SCAPER: variants seen among roughly 807,000 people sequenced by gnomAD.
SCAPER encodes the protein S phase cyclin A-associated protein in the endoplasmic reticulum.
SCAPER carries 98 observed loss-of-function variants against 182.2 expected under a neutral mutation model. The ratio of observed to expected loss-of-function variants is 0.54; its 90% confidence interval spans 0.46 to 0.64. The LOEUF (loss-of-function observed/expected upper bound fraction) is 0.64, where lower values mean the gene tolerates loss of function less well. Among genes scored for constraint, SCAPER ranks in the 30% least tolerant of loss-of-function variants. The pLI, the probability that SCAPER is intolerant of heterozygous loss-of-function variation, is 0.00. For missense variants in SCAPER, 1,432 were observed against 1,690.0 expected (o/e 0.85, Z 2.68); for synonymous variants, 605 against 564.6 (o/e 1.07, Z -1.01).
chr15:76,726,156 A>ATATATATATATATAT (rs56986282), intron 17 of SCAPER, among the ~76,000 whole-genome samples: 3,329 of 79,366 alleles, frequency 0.042, 462 homozygotes, highest in African/African-American at 0.045. Context: ...TATATATATA[A>ATATATATATATATAT]AAAACTCTAT....
At chr15:76,584,694 C>T (rs899698834) in intron 22 of SCAPER, among the ~76,000 whole-genome samples, 10 of 152,012 alleles carry the variant, frequency 6.6e-5, no homozygotes, top group African/African-American at 2.2e-4. Context: ...GCGTTCTTAC[C>T]GTATTAGTCA....
chr15:76,856,540 T>G (rs1344694433), intron 4 of SCAPER, among the ~76,000 whole-genome samples: 4 of 151,310 alleles, frequency 2.6e-5, no homozygotes, highest in African/African-American at 9.7e-5. Flanking sequence ...TTTAACTTTT[T>G]TTACATATAT....
At chr15:76,878,166 G>A (rs546208011) in intron 2 of SCAPER, among the ~76,000 whole-genome samples, 12 of 151,930 alleles carry the variant, frequency 7.9e-5, no homozygotes, top group Non-Finnish European at 1.6e-4. Context: ...TTAGCAATTG[G>A]TAAGTCTGGC....
chr15:76,475,451 C>T (rs1038247009), intron 24 of SCAPER, among the ~76,000 whole-genome samples: 5 of 151,988 alleles, frequency 3.3e-5, no homozygotes, highest in African/African-American at 1.2e-4. Flanking sequence ...CTCAGCCTCC[C>T]GGGTAACTAG....
chr15:76,839,886 T>C (rs1256213471), intron 5 of SCAPER, among the ~76,000 whole-genome samples: 1 of 152,140 alleles, frequency 6.6e-6, no homozygotes, highest in Non-Finnish European at 1.5e-5. Flanking sequence ...ACTCAAAAAG[T>C]ATATATATTT....
intron 23 of SCAPER, among the ~76,000 whole-genome samples, chr15:76,505,481 G>A (rs999779830): frequency 6.6e-6 from 1 of 152,116 alleles, no homozygotes; most frequent in Admixed American, 6.6e-5. Context: ...ATGGCAAACA[G>A]GCATAGGAAA....
In SCAPER at chr15:76,354,211, T is replaced by G; in HGVS notation, c.3856-71A>C. On this transcript the variant is annotated intron_variant, in intron 29 of 31. Transcript: ENST00000563290. The surrounding 1 kb of genome is among the most constrained non-coding windows in gnomAD (Gnocchi z 4.4). ...CTGTCCCTCACCCACCTGCACAGTGTCGGCTAGTACCATGGAAAACATGCT... is the reference window on the plus strand; with the variant it reads ...CTGTCCCTCACCCACCTGCACAGTGGCGGCTAGTACCATGGAAAACATGCT... 18 of 1,428,424 alleles carry G rather than the reference T, an allele frequency of 1.3e-5. No individual in the cohort carries two copies. The highest frequency in any genetic ancestry group is 1.5e-5 in the Non-Finnish European group (16 of 1,057,102). 88.5% of individuals were successfully genotyped at this position (1,428,424 alleles called of 1,614,324 possible).
intron 23 of SCAPER, among the ~76,000 whole-genome samples, chr15:76,539,665 C>T (rs945787197): frequency 2.6e-5 from 4 of 151,532 alleles, no homozygotes. Flanking sequence ...CCTGCCTCAG[C>T]CTCCCGAGTA....
intron 23 of SCAPER, among the ~76,000 whole-genome samples, chr15:76,538,803 C>A (rs1008852865): frequency 3.3e-5 from 5 of 152,034 alleles, no homozygotes; most frequent in Admixed American, 2.6e-4. Context: ...TGGAACCTGG[C>A]AAATTATGAT....
intron 23 of SCAPER, among the ~76,000 whole-genome samples, chr15:76,517,330 G>A (rs2042506114): frequency 6.6e-6 from 1 of 151,074 alleles, no homozygotes; most frequent in South Asian, 2.1e-4. Context: ...TGCCTTAGTC[G>A]AGCTTTCCTT....
chr15:76,566,156 G>C (rs1044454177), intron 23 of SCAPER, among the ~76,000 whole-genome samples: 2 of 152,142 alleles, frequency 1.3e-5, no homozygotes, highest in Non-Finnish European at 2.9e-5. Context: ...GCCTAGGCAT[G>C]TGTTACATAG....
intron 27 of SCAPER, among the ~76,000 whole-genome samples, chr15:76,383,751 A>G (rs373163243): frequency 1.3e-5 from 2 of 152,232 alleles, no homozygotes; most frequent in Middle Eastern, 3.2e-3. Flanking sequence ...GTTTAGGGTC[A>G]GTGCTTTGTC....
At chr15:76,409,797 G>A (rs1343552856) in intron 26 of SCAPER, among the ~76,000 whole-genome samples, 1 of 151,654 alleles carries the variant, frequency 6.6e-6, no homozygotes, top group East Asian at 1.9e-4. Context: ...TCTATCTCAA[G>A]GCCTACTTTT....
At chr15:76,492,981 C>A (rs769540340) in intron 24 of SCAPER, among the ~76,000 whole-genome samples, 20 of 151,636 alleles carry the variant, frequency 1.3e-4, no homozygotes, top group Non-Finnish European at 2.8e-4. Context: ...TAGTGCAAAC[C>A]TACGCTATCT....
chr15:76,399,555 C>T (rs866017394), intron 27 of SCAPER, among the ~76,000 whole-genome samples: 2 of 152,328 alleles, frequency 1.3e-5, no homozygotes, highest in Middle Eastern at 3.4e-3. Context: ...ATCCTTTCAT[C>T]AGAGGATCAC....
At chr15:76,615,455 GTGTC>G (rs2051368602) in intron 22 of SCAPER, among the ~76,000 whole-genome samples, 1 of 144,076 alleles carries the variant, frequency 6.9e-6, no homozygotes, top group African/African-American at 2.6e-5. Context: ...AAAAACAAAT[GTGTC>G]TGTATGTGTA....
intron 17 of SCAPER, among the ~76,000 whole-genome samples, chr15:76,719,336 A>T (rs973130241): frequency 6.6e-6 from 1 of 152,204 alleles, no homozygotes; most frequent in Non-Finnish European, 1.5e-5. Flanking sequence ...TCTTAAAAAA[A>T]ATTCAATTAT....
rs3063684 is a variant in SCAPER at position 76,648,189 on chromosome 15, TAAA to T, written c.2645+17461_2645+17463del. Among the ~76,000 whole-genome samples, 4 of 145,758 alleles carry T rather than the reference TAAA, an allele frequency of 2.7e-5. No homozygotes were observed. In the East Asian group the frequency reaches 7.9e-4, roughly 29 times the overall value. On this transcript the variant is annotated intron_variant, in intron 21 of 31. Transcript: ENST00000563290. ...TTCATAAACATATTAAATGAAAACA[TAAA>T]AAAAAAAACAAGAAATATCGAGAAA...
intron 23 of SCAPER, among the ~76,000 whole-genome samples, chr15:76,562,062 C>T (rs760417470): frequency 4.2e-5 from 6 of 144,486 alleles, no homozygotes; most frequent in African/African-American, 1.3e-4. Context: ...GCGGAAGAAT[C>T]GCTTGAACCT....
Sources: gnomAD v4.1 joint callset for allele counts (sites outside exome capture counted in the v4.1 genomes callset) on GRCh38, gnomAD v4.1.1 for gene constraint, Gnocchi (gnomAD v3.1) non-coding constraint, MANE v1.5 for transcripts, NCBI Gene and HGNC (gene_info 2026-07-23, HGNC 2026-07-21) for gene names.